Variants in CLTRN observed in about 807,000 individuals in gnomAD.
The protein encoded by CLTRN is collectrin.
A neutral mutation model predicts 14.5 loss-of-function variants in CLTRN; 12 were observed. The ratio of observed to expected loss-of-function variants is 0.83; its 90% CI spans 0.53 to 1.34. The LOEUF (loss-of-function observed/expected upper bound fraction) is 1.34. Among genes scored for constraint, CLTRN ranks in the 40% most tolerant of loss-of-function variants. The pLI, the probability that CLTRN is intolerant of heterozygous loss-of-function variation, is 0.00. For missense variants in CLTRN, 154 were observed against 165.1 expected (o/e 0.93, Z 0.37); for synonymous variants, 58 against 56.5 (o/e 1.03, Z -0.12).
At chrX:15,654,347 A>G (rs1208045914) in intron 3 of CLTRN, among the ~76,000 whole-genome samples, 1 of 112,887 alleles carries the variant, frequency 8.9e-6, no homozygotes, top group Non-Finnish European at 1.9e-5. Context: ...TAAATTATCT[A>G]AAAGTTGATG....
intron 3 of CLTRN, 121 bp from the exon 4 acceptor site, chrX:15,645,150 C>T (rs1929033777): frequency 1.3e-5 from 5 of 393,357 alleles, no homozygotes; most frequent in Non-Finnish European, 2.2e-5. Context: ...AAAGTCATTT[C>T]TACCATTATG....
chrX:15,649,708 A>C (rs1469851388), intron 3 of CLTRN, among the ~76,000 whole-genome samples: 1 of 110,651 alleles, frequency 9.0e-6, no homozygotes. Context: ...ACAGTCATAG[A>C]TATAACCCCC....
chrX:15,660,683 T>C lies in CLTRN; in HGVS notation c.118-1582A>G, dbSNP rs185994781. On this transcript the variant is annotated intron_variant, in intron 2 of 5. Transcript: ENST00000380342. The stretch of plus-strand genomic sequence containing the variant: ...TCAGCCAGGCGTGGTGGCATGCACC[T>C]GTAGTCCCAGCTACCCAGGAGGCTA... 1.3e-3 allele frequency among the ~76,000 whole-genome samples: 145 copies of C among 107,479 alleles called. No individual in the cohort carries two copies. The East Asian group carries it at 0.019, about 14-fold the overall frequency. The allele number at this position is 107,479 out of a possible 115,157, so 93.3% of individuals were successfully genotyped here.
chrX:15,665,455 G>A (rs1929603085), upstream of CLTRN, among the ~76,000 whole-genome samples: 1 of 112,195 alleles, frequency 8.9e-6, no homozygotes, highest in African/African-American at 3.2e-5. Context: ...CAACAAAACT[G>A]CACAGGTGCC....
intron 3 of CLTRN, chrX:15,646,387 C>T (rs776213734): frequency 7.0e-6 from 2 of 285,687 alleles, no homozygotes; most frequent in Non-Finnish European, 1.4e-5. Flanking sequence ...GAAGGCCCAA[C>T]CCACTGCCCT....
intron 2 of CLTRN, 30 bp from the exon 3 acceptor site, chrX:15,659,131 G>A: frequency 1.1e-6 from 1 of 890,668 alleles, no homozygotes; most frequent in Non-Finnish European, 1.6e-6. Context: ...AAGTGTATGG[G>A]GGAAAATATG....
chrX:15,674,918 T>A (rs746128887), intron 1 of CLTRN: 14 of 113,698 alleles, frequency 1.2e-4, no homozygotes, highest in African/African-American at 4.5e-4. Flanking sequence ...TTGTAGCGTG[T>A]GGCCTGAGAG....
chrX:15,647,034 C>T (rs897608348), intron 3 of CLTRN, among the ~76,000 whole-genome samples: 3 of 112,738 alleles, frequency 2.7e-5, no homozygotes, highest in African/African-American at 6.4e-5. Context: ...CGCCCGGTCG[C>T]CGCAGGAGCG....
chrX:15,635,394 A>G (rs938114367), intron 5 of CLTRN, among the ~76,000 whole-genome samples: 3 of 112,207 alleles, frequency 2.7e-5, no homozygotes, highest in African/African-American at 9.7e-5. Flanking sequence ...TGCATTTTTA[A>G]AAAGTGTTTA....
chrX:15,641,986 T>C (rs1202694724), intron 4 of CLTRN, among the ~76,000 whole-genome samples: 1 of 111,780 alleles, frequency 8.9e-6, no homozygotes, highest in East Asian at 2.8e-4. Flanking sequence ...AGCCAGATAA[T>C]CTACAACAAG....
chrX:15,638,379 C>T (rs1280679780), intron 5 of CLTRN, among the ~76,000 whole-genome samples: 1 of 111,871 alleles, frequency 8.9e-6, no homozygotes, highest in Non-Finnish European at 1.9e-5. Context: ...AATAAAATTA[C>T]AAAGCCCAAG....
chrX:15,659,749 G>C (rs1211764688), intron 2 of CLTRN, among the ~76,000 whole-genome samples: 1 of 111,316 alleles, frequency 9.0e-6, no homozygotes, highest in Non-Finnish European at 1.9e-5. Flanking sequence ...ACAGGGAGAA[G>C]ACAGCCATCT....
At chrX:15,630,484 A>G (rs1928670346) in intron 5 of CLTRN, among the ~76,000 whole-genome samples, 1 of 112,004 alleles carries the variant, frequency 8.9e-6, no homozygotes, top group Admixed American at 9.5e-5. Flanking sequence ...TTATTAAATA[A>G]TTTCAAATAG....
intron 1 of CLTRN, among the ~76,000 whole-genome samples, chrX:15,671,749 T>C: frequency 9.0e-6 from 1 of 111,316 alleles, no homozygotes; most frequent in African/African-American, 3.3e-5. Flanking sequence ...TCATTGGCCA[T>C]CTTAATAAAA....
At chrX:15,646,388 C>A in intron 3 of CLTRN, 1 of 293,204 alleles carries the variant, frequency 3.4e-6, no homozygotes, top group Non-Finnish European at 6.8e-6. Context: ...AAGGCCCAAC[C>A]CACTGCCCTG....
At chrX:15,671,852 A>G (rs575050999) in intron 1 of CLTRN, among the ~76,000 whole-genome samples, 16,570 of 82,627 alleles carry the variant, frequency 0.2, 1,063 homozygotes, top group East Asian at 0.55. Context: ...GCGCACACAC[A>G]CACACACACA....
upstream of CLTRN, among the ~76,000 whole-genome samples, chrX:15,669,803 A>C (rs1221069230): frequency 1.8e-5 from 2 of 112,203 alleles, no homozygotes; most frequent in African/African-American, 6.5e-5. Flanking sequence ...CAAAAACAGA[A>C]ATTTAGTAAA....
chrX:15,660,352 G>T (rs1279768730), intron 2 of CLTRN, among the ~76,000 whole-genome samples: 2 of 111,034 alleles, frequency 1.8e-5, no homozygotes, highest in African/African-American at 6.6e-5. Context: ...ATGGGGTCTT[G>T]CTGTGCTGTC....
chrX:15,651,138 G>A (rs1399742690), intron 3 of CLTRN, among the ~76,000 whole-genome samples: 1 of 111,269 alleles, frequency 9.0e-6, no homozygotes, highest in Non-Finnish European at 1.9e-5. Flanking sequence ...GGGGGACATG[G>A]TTTTCTTGTG....
Sources: allele counts gnomAD v4.1 joint callset (sites outside exome capture counted in the v4.1 genomes callset), GRCh38; gene constraint gnomAD v4.1.1; transcripts MANE v1.5; gene names NCBI Gene and HGNC (gene_info 2026-07-23, HGNC 2026-07-21).